Variants in SLC2A9 observed in about 807,000 individuals in gnomAD.
SLC2A9 encodes the protein solute carrier family 2 member 9.
A neutral mutation model predicts 50.6 loss-of-function variants in SLC2A9; 39 were observed. The ratio of observed to expected loss-of-function variants is 0.77; its 90% CI spans 0.60 to 1.01. SLC2A9 has a LOEUF of 1.01. SLC2A9 is among the 50% of genes least tolerant of loss of function. SLC2A9 has a pLI of 0.00. For missense variants in SLC2A9, 686 were observed against 677.6 expected (o/e 1.01, Z -0.14); for synonymous variants, 324 against 276.9 (o/e 1.17, Z -1.69).
intron 5 of SLC2A9, among the ~76,000 whole-genome samples, chr4:9,962,779 G>C (rs1295587415): frequency 2.6e-5 from 4 of 152,214 alleles, no homozygotes; most frequent in African/African-American, 9.6e-5. Context: ...GATGTGTGCA[G>C]AGGCAGGGAG....
intron 5 of SLC2A9, among the ~76,000 whole-genome samples, chr4:9,972,168 T>C (rs1754011863): frequency 6.6e-6 from 1 of 152,140 alleles, no homozygotes; most frequent in African/African-American, 2.4e-5. Flanking sequence ...TTGCAACCAT[T>C]AGTATATTTC....
At chr4:9,804,180 A>G (rs1560133698) in intron 3 of SLC2A9, among the ~76,000 whole-genome samples, 1 of 152,188 alleles carries the variant, frequency 6.6e-6, no homozygotes. Context: ...AAATAGCTCT[A>G]CCTGGTGTCA....
At chr4:9,873,255 C>T (rs912191264) in intron 10 of SLC2A9, among the ~76,000 whole-genome samples, 6 of 152,208 alleles carry the variant, frequency 3.9e-5, no homozygotes, top group African/African-American at 1.4e-4. Context: ...ACTGCATCTC[C>T]AGGCCTAGAA....
At chr4:9,988,338 T>A (rs558101853) in intron 3 of SLC2A9, among the ~76,000 whole-genome samples, 1 of 152,342 alleles carries the variant, frequency 6.6e-6, no homozygotes, top group South Asian at 2.1e-4. Context: ...GACATGATGG[T>A]GTATTTTGTG....
chr4:9,966,168 C>T (rs1285460618), intron 5 of SLC2A9, among the ~76,000 whole-genome samples: 3 of 151,972 alleles, frequency 2.0e-5, no homozygotes, highest in South Asian at 2.1e-4. Flanking sequence ...GCCCTGCCAG[C>T]GGGAATGGAA....
At chr4:9,848,157 C>A (rs572815708) in intron 10 of SLC2A9, among the ~76,000 whole-genome samples, 1 of 152,306 alleles carries the variant, frequency 6.6e-6, no homozygotes, top group South Asian at 2.1e-4. Flanking sequence ...TAGACTGTTC[C>A]CACTGCTGGA....
intron 10 of SLC2A9, among the ~76,000 whole-genome samples, chr4:9,854,952 A>G (rs1334469628): frequency 6.6e-6 from 1 of 152,204 alleles, no homozygotes; most frequent in Non-Finnish European, 1.5e-5. Flanking sequence ...CATTGAAGGA[A>G]CATACCCCAA....
intron 2 of SLC2A9, among the ~76,000 whole-genome samples, chr4:10,017,909 C>T (rs1158367898): frequency 1.3e-5 from 2 of 152,114 alleles, no homozygotes; most frequent in Non-Finnish European, 2.9e-5. Flanking sequence ...ACCTGGAGCT[C>T]CCCGCATTTC....
At chr4:9,875,479 A>C (rs182827802) in intron 10 of SLC2A9, among the ~76,000 whole-genome samples, 2 of 152,206 alleles carry the variant, frequency 1.3e-5, no homozygotes, top group African/African-American at 2.4e-5. Context: ...CTCTGACTCG[A>C]TATTTAGAAA....
intron 1 of SLC2A9, among the ~76,000 whole-genome samples, chr4:10,026,522 GA>G (rs1390005890): frequency 1.3e-5 from 2 of 152,158 alleles, no homozygotes; most frequent in African/African-American, 4.8e-5. Flanking sequence ...CGATGCCCAA[GA>G]GGACTGAAAG....
chr4:9,848,715 T>TC (rs1490245634), intron 10 of SLC2A9, among the ~76,000 whole-genome samples: 1 of 151,394 alleles, frequency 6.6e-6, no homozygotes, highest in Non-Finnish European at 1.5e-5. Flanking sequence ...TTTTTTTTTT[T>TC]TGGAGACCGA....
chr4:9,774,428 C>T (rs1206093792), intron 1 of SLC2A9, among the ~76,000 whole-genome samples: 1 of 152,168 alleles, frequency 6.6e-6, no homozygotes, highest in East Asian at 1.9e-4. Flanking sequence ...GTCGTGCTTC[C>T]ACCCTGCATG....
intron 1 of SLC2A9, among the ~76,000 whole-genome samples, chr4:10,027,055 A>C (rs757859262): frequency 2.6e-4 from 39 of 152,052 alleles, no homozygotes; most frequent in East Asian, 9.6e-4. Flanking sequence ...AAAAAACAAA[A>C]AAAAAAAGAA....
chr4:9,800,937 A>G (rs1721319270), intron 3 of SLC2A9, among the ~76,000 whole-genome samples: 1 of 152,136 alleles, frequency 6.6e-6, no homozygotes, highest in Non-Finnish European at 1.5e-5. Flanking sequence ...TAGTACACTC[A>G]TGCAGTCAGG....
At chr4:9,994,473 C>T (rs1234125605) in intron 3 of SLC2A9, among the ~76,000 whole-genome samples, 1 of 151,850 alleles carries the variant, frequency 6.6e-6, no homozygotes, top group African/African-American at 2.4e-5. Flanking sequence ...TTGATCTGAT[C>T]TTTTTCTGCA....
In SLC2A9 at chr4:10,032,922, T is replaced by A. The variant is rs1296108368; in HGVS notation, c.-40-6916A>T. Among the ~76,000 whole-genome samples the A allele has an allele frequency of 2.0e-5, 3 of 152,168 alleles. No homozygotes were observed. The East Asian group carries it at 5.8e-4, about 29-fold the overall frequency. On this transcript the variant is annotated intron_variant, in intron 1 of 12. Transcript: ENST00000309065. ...CCAAGCTGAGTCACCAATTCTTTGT[T>A]CATAAAGAAAAATTTGAGTCTCTCT...
intron 1 of SLC2A9, among the ~76,000 whole-genome samples, chr4:10,029,828 G>T (rs1763880907): frequency 6.6e-6 from 1 of 151,868 alleles, no homozygotes; most frequent in South Asian, 2.1e-4. Context: ...TAGAGATGGG[G>T]TTTCGCCATG....
Position 9,948,473 on chromosome 4 carries a change from A to G in SLC2A9, c.682-6428T>C, listed in dbSNP as rs374080818. On this transcript the variant is annotated intron_variant, in intron 5 of 11. Coordinates refer to ENST00000264784, the MANE Select transcript of SLC2A9 (RefSeq NM_020041.3). ...TGCAGTGAATGGTGGTGCATGGCCC[A>G]GAACTGACAAGCTTGACTTATAGCT... is the stretch of plus-strand genomic sequence containing the variant. 2.0e-4 allele frequency among the ~76,000 whole-genome samples: 31 copies of G among 152,322 alleles called. No homozygotes were observed. In the South Asian group the frequency reaches 6.0e-3, roughly 30 times the overall value.
intron 5 of SLC2A9, among the ~76,000 whole-genome samples, chr4:9,977,252 G>A (rs1266793260): frequency 6.6e-6 from 1 of 152,192 alleles, no homozygotes; most frequent in Non-Finnish European, 1.5e-5. Context: ...TGGCCCTAAG[G>A]CTAGACCCAG....
Sources: allele counts gnomAD v4.1 joint callset (sites outside exome capture counted in the v4.1 genomes callset), GRCh38; gene constraint gnomAD v4.1.1; transcripts MANE v1.5; gene names NCBI Gene and HGNC (gene_info 2026-07-23, HGNC 2026-07-21).